Variants in SRGAP1 observed in about 807,000 individuals in gnomAD.
SRGAP1 encodes the protein SLIT-ROBO Rho GTPase-activating protein 1.
A neutral mutation model predicts 121.9 loss-of-function variants in SRGAP1; 43 were observed. That is an observed-to-expected ratio of 0.35 (90% CI 0.28 to 0.46). The LOEUF is 0.46. Among genes scored for constraint, SRGAP1 ranks in the 20% least tolerant of loss-of-function variants. The pLI is 1.00. For synonymous variants in SRGAP1, 447 were observed against 485.4 expected, an observed-to-expected ratio of 0.92 and a Z score of 1.04; for missense variants, 1,102 against 1,350.9, an observed-to-expected ratio of 0.82 and a Z score of 2.89.
At chr12:63,968,610 C>T (rs1592991299) in intron 1 of SRGAP1, among the ~76,000 whole-genome samples, 1 of 152,182 alleles carries the variant, frequency 6.6e-6, no homozygotes, top group African/African-American at 2.4e-5. Context: ...GGCTCACAGG[C>T]AGGTCTTAAG....
intron 6 of SRGAP1, among the ~76,000 whole-genome samples, chr12:64,057,520 A>G (rs1173261410): frequency 1.3e-5 from 2 of 152,186 alleles, no homozygotes; most frequent in African/African-American, 2.4e-5. Flanking sequence ...TCATTTGACT[A>G]CTATGTAAAA....
chr12:63,929,845 T>C (rs188536424), intron 1 of SRGAP1, among the ~76,000 whole-genome samples: 2 of 152,156 alleles, frequency 1.3e-5, no homozygotes, highest in Admixed American at 1.3e-4. Flanking sequence ...TCTATAAAAA[T>C]GGGATATATG....
Position 64,091,263 on chromosome 12 carries a change from TC to T in SRGAP1, c.1437-10del, listed in dbSNP as rs746112779. 111 of 1,549,940 alleles carry T rather than the reference TC, an allele frequency of 7.2e-5. 1 individual carries two copies. Among genetic ancestry groups the T allele is most frequent in the Non-Finnish European group, 1.6e-5 (18 of 1,137,346 alleles). On this transcript the variant is annotated splice_polypyrimidine_tract_variant and intron_variant, in intron 11 of 21. Transcript: ENST00000355086. ...TTTCTGCCATGCTCAGTAATTATAT[TC>T]CCTTCCCTTAGGCCTCCAAATGTTC...
chr12:63,851,320 C>T (rs1465834681), intron 1 of SRGAP1, among the ~76,000 whole-genome samples: 2 of 150,850 alleles, frequency 1.3e-5, no homozygotes, highest in Non-Finnish European at 3.0e-5. Flanking sequence ...GGGCCAAGCA[C>T]GGTGGCTCAC....
intron 17 of SRGAP1, among the ~76,000 whole-genome samples, chr12:64,112,243 T>C (rs2036441895): frequency 6.6e-6 from 1 of 152,206 alleles, no homozygotes; most frequent in East Asian, 1.9e-4. Flanking sequence ...AGGGTTTTGA[T>C]GTTATGTAGA....
chr12:64,141,761 G>A (rs1172888368), intron 21 of SRGAP1, among the ~76,000 whole-genome samples: 2 of 152,044 alleles, frequency 1.3e-5, no homozygotes, highest in African/African-American at 4.8e-5. Flanking sequence ...AGACCAACCT[G>A]GGCAACTAGC....
intron 1 of SRGAP1, among the ~76,000 whole-genome samples, chr12:63,851,985 G>GTATT (rs1175972051): frequency 2.0e-5 from 3 of 151,956 alleles, no homozygotes; most frequent in South Asian, 2.1e-4. Flanking sequence ...TCTATCTACT[G>GTATT]TATTTATTTA....
Position 64,016,962 on chromosome 12 carries a change from G to T in SRGAP1, c.439G>T (p.Ala147Ser). The T allele has an allele frequency of 6.5e-7, 1 of 1,533,988 alleles. No homozygotes were observed. ...TRMFKKSKEIAFQLHEDLMKV... is the reference protein window; with the variant it reads ...TRMFKKSKEISFQLHEDLMKV... The stretch of plus-strand genomic sequence containing the variant: ...TTTCTAATTACAGAGCAAAGAGATT[G>T]CATTCCAACTTCATGAGGATTTAAT... The change falls in exon 4 of 22, where the codon GCA becomes TCA. Residue 147 changes from alanine (A) to serine (S), a missense_variant. This residue lies in a region of SRGAP1 where 747 missense variants were observed against 929.4 expected (regional missense o/e 0.80). Coordinates refer to ENST00000355086, the MANE Select transcript of SRGAP1 (RefSeq NM_020762.4).
intron 1 of SRGAP1, among the ~76,000 whole-genome samples, chr12:63,956,891 C>T (rs2032490912): frequency 6.6e-6 from 1 of 152,084 alleles, no homozygotes; most frequent in South Asian, 2.1e-4. Flanking sequence ...ACCCATTAGC[C>T]ATCACTCTCC....
At chr12:64,020,536 G>GAGCAGTTA in intron 4 of SRGAP1, among the ~76,000 whole-genome samples, 1 of 152,288 alleles carries the variant, frequency 6.6e-6, no homozygotes, top group South Asian at 2.1e-4. Context: ...AAGACAGCCA[G>GAGCAGTTA]AGCAGTTAAG....
At chr12:64,051,125 T>C (rs958443696) in intron 6 of SRGAP1, among the ~76,000 whole-genome samples, 1 of 152,210 alleles carries the variant, frequency 6.6e-6, no homozygotes, top group Non-Finnish European at 1.5e-5. Flanking sequence ...TTTATCCTGT[T>C]TCTTTGTCCT....
intron 4 of SRGAP1, among the ~76,000 whole-genome samples, chr12:64,030,271 T>G (rs2136485933): frequency 6.6e-6 from 1 of 152,348 alleles, no homozygotes; most frequent in African/African-American, 2.4e-5. Flanking sequence ...GTAGAGGGCT[T>G]GAGAAACTTT....
chr12:63,958,297 T>C (rs2032535742), intron 1 of SRGAP1, among the ~76,000 whole-genome samples: 2 of 152,084 alleles, frequency 1.3e-5, no homozygotes, highest in Admixed American at 1.3e-4. Flanking sequence ...AGAGTGCCAC[T>C]CTCCGTGCAG....
At chr12:63,927,347 C>T (rs1303967755) in intron 1 of SRGAP1, among the ~76,000 whole-genome samples, 1 of 152,198 alleles carries the variant, frequency 6.6e-6, no homozygotes, top group Non-Finnish European at 1.5e-5. Context: ...CTGGCCCAGT[C>T]CCTAGCTGGC....
intron 1 of SRGAP1, among the ~76,000 whole-genome samples, chr12:63,948,057 A>G (rs771265077): frequency 6.6e-6 from 1 of 151,674 alleles, no homozygotes; most frequent in Non-Finnish European, 1.5e-5. Flanking sequence ...TCACTGTTCT[A>G]CTTTATTCCG....
At chr12:63,942,814 A>G (rs1276490335) in intron 1 of SRGAP1, among the ~76,000 whole-genome samples, 2 of 152,238 alleles carry the variant, frequency 1.3e-5, no homozygotes, top group Admixed American at 6.5e-5. Flanking sequence ...AGCAATAACA[A>G]TAACAATTTG....
At chr12:63,845,998 G>A (rs1305876651) in intron 1 of SRGAP1, among the ~76,000 whole-genome samples, 1 of 152,190 alleles carries the variant, frequency 6.6e-6, no homozygotes, top group East Asian at 1.9e-4. Context: ...CTGGAGTCCT[G>A]TGAGAGGACC....
At chr12:63,925,472 C>T (rs753517922) in intron 1 of SRGAP1, among the ~76,000 whole-genome samples, 9 of 152,110 alleles carry the variant, frequency 5.9e-5, no homozygotes, top group Non-Finnish European at 1.3e-4. Flanking sequence ...GATGTACCTG[C>T]AGTGCAGAAG....
intron 21 of SRGAP1, among the ~76,000 whole-genome samples, chr12:64,132,861 A>G (rs1301456975): frequency 6.6e-6 from 1 of 152,246 alleles, no homozygotes; most frequent in Non-Finnish European, 1.5e-5. Context: ...CAGTAAAGGT[A>G]TATTGCTGGC....
Sources: gnomAD v4.1 joint callset for allele counts (sites outside exome capture counted in the v4.1 genomes callset) on GRCh38, gnomAD v4.1.1 for gene constraint, gnomAD v4.1.1 regional missense constraint, MANE v1.5 for transcripts, NCBI Gene and HGNC (gene_info 2026-07-23, HGNC 2026-07-21) for gene names.